Variants in TUT4 observed in about 807,000 individuals in gnomAD.
The protein encoded by TUT4 is terminal uridylyl transferase 4.
In TUT4, 36 loss-of-function variants were observed where a neutral mutation model predicts 192.2. That is an observed-to-expected ratio of 0.19 (90% CI 0.14 to 0.25). TUT4 has a LOEUF of 0.25. TUT4 is among the 10% of genes least tolerant of loss of function. The pLI, the probability that TUT4 is intolerant of heterozygous loss-of-function variation, is 1.00. For missense variants in TUT4, 1,493 were observed against 1,957.2 expected (o/e 0.76, Z 4.47); for synonymous variants, 618 against 666.0 (o/e 0.93, Z 1.11).
chr1:52,461,294 T>A, intron 18 of TUT4, 71 bp from the exon 19 acceptor site: 1 of 1,387,604 alleles, frequency 7.2e-7, no homozygotes, highest in Non-Finnish European at 9.9e-7. Flanking sequence ...GATTTAAAAG[T>A]AAAATACACT....
chr1:52,524,091 C>T (rs1681046912), intron 2 of TUT4, among the ~76,000 whole-genome samples: 1 of 152,088 alleles, frequency 6.6e-6, no homozygotes, highest in Non-Finnish European at 1.5e-5. Context: ...ATCAGGATCC[C>T]ACAACAAAAT....
chr1:52,504,099 C>T (rs1273366059), intron 4 of TUT4, among the ~76,000 whole-genome samples: 1 of 152,192 alleles, frequency 6.6e-6, no homozygotes, highest in Non-Finnish European at 1.5e-5. Context: ...AATGGCACCA[C>T]AAACTATGAT....
rs780739074 is a variant in TUT4, at chr1:52,446,346, C to T, written c.3610G>A (p.Glu1204Lys). 6.2e-7 allele frequency: 1 copy of T among 1,613,926 alleles called. No individual in the cohort carries two copies. Among genetic ancestry groups the T allele is most frequent in the Non-Finnish European group, 8.5e-7 (1 of 1,179,936 alleles). Residue 1204 changes from glutamate (E) to lysine (K), a missense_variant, in exon 22 of 30, where the codon GAA becomes AAA. By Grantham distance (56) the Glu-to-Lys change is moderately conservative (BLOSUM62 1). Transcript: ENST00000257177. ...RFYTEEFDFK[E>K]YVISIRQKKL... is the part of the protein sequence containing the mutation. ...TTCTGCCGAATGCTAATTACATATT[C>T]CTTGAAATCAAACTCTTCAGTATAG...
At chr1:52,437,130 CT>C in intron 25 of TUT4, 152 bp from the exon 26 acceptor site, 1 of 1,053,680 alleles carries the variant, frequency 9.5e-7, no homozygotes, top group Non-Finnish European at 1.3e-6. Context: ...GGCACACCTG[CT>C]CATTTGGCAG....
chr1:52,466,939 T>C (rs1664383363), intron 15 of TUT4, among the ~76,000 whole-genome samples: 1 of 151,974 alleles, frequency 6.6e-6, no homozygotes, highest in African/African-American at 2.4e-5. Context: ...AGTGCTGGGA[T>C]TATAGGTGTA....
At chr1:52,459,901 A>G (rs1293443648) in intron 19 of TUT4, among the ~76,000 whole-genome samples, 1 of 152,104 alleles carries the variant, frequency 6.6e-6, no homozygotes, top group Non-Finnish European at 1.5e-5. Flanking sequence ...TGAAATTAAA[A>G]TAAAAATTAA....
chr1:52,444,390 G>T (rs1656726967), intron 24 of TUT4, among the ~76,000 whole-genome samples: 1 of 151,870 alleles, frequency 6.6e-6, no homozygotes, highest in Non-Finnish European at 1.5e-5. Flanking sequence ...GAGAACCAGT[G>T]CTCCAAGGGA....
intron 13 of TUT4, 136 bp from the exon 14 acceptor site, chr1:52,472,238 AAC>A: frequency 4.4e-6 from 4 of 909,022 alleles, no homozygotes; most frequent in Non-Finnish European, 6.3e-6. Context: ...TAAAAAAAAA[AAC>A]ATGTTGTTAA....
chr1:52,476,496 T>A (rs1458902355), intron 12 of TUT4, among the ~76,000 whole-genome samples: 2 of 152,108 alleles, frequency 1.3e-5, no homozygotes, highest in African/African-American at 4.8e-5. Flanking sequence ...AGACAATACA[T>A]ATGCTCTCCA....
At chr1:52,550,910 C>T (rs6677324) in intron 1 of TUT4, among the ~76,000 whole-genome samples, 13,404 of 152,166 alleles carry the variant, frequency 0.088, 743 homozygotes, top group East Asian at 0.2. Context: ...CTGTAGAGAA[C>T]ACAACATAAT....
rs566068411 is a variant in TUT4 at position 52,526,948 on chromosome 1, C to CG, written c.-93-576dup. 1.6e-4 allele frequency among the ~76,000 whole-genome samples: 24 copies of CG among 152,214 alleles called. No individual in the cohort carries two copies. In the South Asian group the frequency reaches 4.1e-3, roughly 26 times the overall value. The stretch of plus-strand genomic sequence containing the variant: ...CTGAGACAGGAAAATCACTTGAACC[C>CG]GGGAGGCAGAGGTTGCAGTGAGCCA... On this transcript the variant is annotated intron_variant, in intron 1 of 29. Transcript: ENST00000257177.
At chr1:52,424,040 G>A (rs1274318496) in intron 29 of TUT4, 38 bp from the exon 30 acceptor site, 21 of 1,581,056 alleles carry the variant, frequency 1.3e-5, no homozygotes, top group Non-Finnish European at 1.7e-5. Flanking sequence ...TGAAAGGCTT[G>A]TGCCTGTTTA....
intron 19 of TUT4, among the ~76,000 whole-genome samples, chr1:52,460,148 C>T (rs895176055): frequency 6.6e-6 from 1 of 151,968 alleles, no homozygotes; most frequent in African/African-American, 2.4e-5. Flanking sequence ...TGCCTCTATG[C>T]TTTTCTAAGA....
At chr1:52,539,225 A>C (rs577971833) in intron 1 of TUT4, among the ~76,000 whole-genome samples, 1 of 152,340 alleles carries the variant, frequency 6.6e-6, no homozygotes, top group South Asian at 2.1e-4. Flanking sequence ...TATGAATAGG[A>C]GCTATCAAGG....
intron 1 of TUT4, among the ~76,000 whole-genome samples, chr1:52,542,012 C>T (rs965825074): frequency 5.9e-5 from 9 of 152,084 alleles, no homozygotes; most frequent in Non-Finnish European, 1.2e-4. Context: ...TACTACTCTG[C>T]CTTAAAAAGG....
intron 24 of TUT4, 46 bp downstream of exon 24, chr1:52,445,741 T>C (rs1657354125): frequency 7.1e-7 from 1 of 1,403,946 alleles, no homozygotes; most frequent in African/African-American, 1.4e-5. Flanking sequence ...TTTCTTGTTC[T>C]ATTTAAAAAA....
In TUT4 at chr1:52,481,544, C is replaced by G; in HGVS notation, c.1727G>C (p.Ser576Thr). 6.2e-7 allele frequency: 1 copy of G among 1,613,890 alleles called. No homozygotes were observed. Among genetic ancestry groups the G allele is most frequent in the African/African-American group, 1.3e-5 (1 of 75,000 alleles). Residue 576 changes from serine to threonine, a missense_variant, in exon 11 of 30, where the codon AGT becomes ACT. Around this residue, in one of 7 missense-constraint regions of TUT4, gnomAD observed 437 missense variants for 577.6 expected, o/e 0.76. Coordinates refer to ENST00000257177, the MANE Select transcript of TUT4 (RefSeq NM_001009881.3). Reference protein sequence around the residue: ...KFVKWECNSSSATEKNSIAEE... With the variant: ...KFVKWECNSSTATEKNSIAEE... ...AGCAATTGAGTTTTTCTCAGTTGCA[C>G]TACTTGAATTACATTCCCACTTCAC...
At chr1:52,468,915 C>T (rs2148809671) in intron 14 of TUT4, among the ~76,000 whole-genome samples, 1 of 152,070 alleles carries the variant, frequency 6.6e-6, no homozygotes, top group South Asian at 2.1e-4. Flanking sequence ...AGACTTATCC[C>T]CAAAAGTTAA....
chr1:52,464,070 T>C (rs909328585), intron 16 of TUT4, among the ~76,000 whole-genome samples: 7 of 152,118 alleles, frequency 4.6e-5, no homozygotes, highest in Admixed American at 1.3e-4. Flanking sequence ...GACAAGTCAG[T>C]TTATCTTTCA....
Sources: allele counts gnomAD v4.1 joint callset (sites outside exome capture counted in the v4.1 genomes callset), GRCh38; gene constraint gnomAD v4.1.1; regional missense constraint gnomAD v4.1.1; transcripts MANE v1.5; gene names NCBI Gene and HGNC (gene_info 2026-07-23, HGNC 2026-07-21).